PRR5L: variants seen among roughly 807,000 people sequenced by gnomAD.
PRR5L encodes proline-rich protein 5-like.
A neutral mutation model predicts 36.4 loss-of-function variants in PRR5L; 21 were observed. The observed-to-expected ratio is 0.58, with a 90% CI of 0.41 to 0.83. PRR5L has a LOEUF of 0.83. Among genes scored for constraint, PRR5L ranks in the 40% least tolerant of loss-of-function variants. The pLI is 0.00. For missense variants in PRR5L, 381 were observed against 473.3 expected (o/e 0.80, Z 1.81); for synonymous variants, 188 against 197.0 (o/e 0.95, Z 0.38).
chr11:36,455,836 G>C (rs368868914), intron 8 of PRR5L, among the ~76,000 whole-genome samples: 1 of 152,210 alleles, frequency 6.6e-6, no homozygotes, highest in African/African-American at 2.4e-5. Flanking sequence ...CTTGTCTGAG[G>C]CTTGGCTCTG....
At chr11:36,433,924 C>T (rs1210960398) in intron 5 of PRR5L, among the ~76,000 whole-genome samples, 1 of 152,138 alleles carries the variant, frequency 6.6e-6, no homozygotes, top group Non-Finnish European at 1.5e-5. Flanking sequence ...AAACATTATC[C>T]CTGGCCATAT....
At chr11:36,306,135 C>A (rs1394442917) in intron 1 of PRR5L, among the ~76,000 whole-genome samples, 1 of 151,996 alleles carries the variant, frequency 6.6e-6, no homozygotes, top group Non-Finnish European at 1.5e-5. Flanking sequence ...TTCTAGGGTA[C>A]ATGTGCACAA....
chr11:36,432,163 G>GT (rs1043073490), intron 5 of PRR5L, among the ~76,000 whole-genome samples: 790 of 7,958 alleles, frequency 0.099, 14 homozygotes, highest in East Asian at 0.5. Flanking sequence ...GTTTTTTTTT[G>GT]TTTTGTTTTT....
intron 1 of PRR5L, among the ~76,000 whole-genome samples, chr11:36,310,865 C>T (rs187945933): frequency 1.2e-3 from 178 of 151,924 alleles, no homozygotes; most frequent in Middle Eastern, 0.01. Context: ...GGCATGGTGG[C>T]GTGTGCCTGT....
Position 36,390,323 on chromosome 11 carries a change from A to G in PRR5L, c.-125-10674A>G, listed in dbSNP as rs778686894. Among the ~76,000 whole-genome samples, 7 of 152,226 alleles carry G rather than the reference A, an allele frequency of 4.6e-5. 1 individual carries two copies. Among genetic ancestry groups the G allele is most frequent in the Admixed American group, 1.3e-4 (2 of 15,278 alleles). On this transcript the variant is annotated intron_variant, in intron 1 of 8. Coordinates refer to ENST00000530639, the MANE Select transcript of PRR5L (RefSeq NM_001160167.2). The stretch of plus-strand genomic sequence containing the variant: ...GAAGGGTCCTGAGGTGGGGCAGAGC[A>G]GGTGCTGGTGGAAGACATGAAGGCA...
chr11:36,441,271 A>C (rs1453598046), intron 6 of PRR5L, among the ~76,000 whole-genome samples: 1 of 152,216 alleles, frequency 6.6e-6, no homozygotes, highest in Non-Finnish European at 1.5e-5. Context: ...AATCAAGAAT[A>C]AGTTATTTAC....
At chr11:36,399,619 A>C (rs923549431) in intron 1 of PRR5L, among the ~76,000 whole-genome samples, 1 of 152,252 alleles carries the variant, frequency 6.6e-6, no homozygotes, top group African/African-American at 2.4e-5. Context: ...TTTGGGACAT[A>C]GCAGAGTTAG....
intron 1 of PRR5L, among the ~76,000 whole-genome samples, chr11:36,301,387 G>C (rs952525806): frequency 1.3e-5 from 2 of 152,196 alleles, no homozygotes; most frequent in Non-Finnish European, 2.9e-5. Flanking sequence ...CAGGGAGAGG[G>C]GTGAGGGAAG....
At chr11:36,418,627 T>C (rs1315250282) in intron 3 of PRR5L, among the ~76,000 whole-genome samples, 1 of 151,982 alleles carries the variant, frequency 6.6e-6, no homozygotes, top group African/African-American at 2.4e-5. Context: ...AAACTCTGTC[T>C]CTACTAAAAA....
chr11:36,332,209 A>C (rs1856726133), intron 1 of PRR5L, among the ~76,000 whole-genome samples: 1 of 152,208 alleles, frequency 6.6e-6, no homozygotes, highest in Admixed American at 6.5e-5. Context: ...TAATAGCATT[A>C]CAAAAAAAAC....
intron 1 of PRR5L, among the ~76,000 whole-genome samples, chr11:36,363,548 C>A (rs1429726318): frequency 6.6e-6 from 1 of 152,330 alleles, no homozygotes; most frequent in African/African-American, 2.4e-5. Flanking sequence ...TTTCTTTTCC[C>A]CTTCCTCCTG....
chr11:36,342,715 A>G (rs1324030843), intron 1 of PRR5L, among the ~76,000 whole-genome samples: 1 of 152,186 alleles, frequency 6.6e-6, no homozygotes. Flanking sequence ...TAGGAACTTC[A>G]GGGTCAGGGC....
At chr11:36,436,518 G>T (rs1197968608) in intron 5 of PRR5L, among the ~76,000 whole-genome samples, 1 of 152,184 alleles carries the variant, frequency 6.6e-6, no homozygotes. Context: ...GCATCAGGAG[G>T]CAGGTGCTGT....
chr11:36,311,446 C>G (rs1856501730), intron 1 of PRR5L, among the ~76,000 whole-genome samples: 1 of 152,114 alleles, frequency 6.6e-6, no homozygotes, highest in Non-Finnish European at 1.5e-5. Flanking sequence ...CCTGCTTGGC[C>G]CCCTCATGGG....
At chr11:36,372,695 A>T (rs1682304166) in intron 1 of PRR5L, among the ~76,000 whole-genome samples, 1 of 152,176 alleles carries the variant, frequency 6.6e-6, no homozygotes, top group African/African-American at 2.4e-5. Flanking sequence ...CCTAAAAGGG[A>T]GAAAAAGCAC....
At chr11:36,305,710 A>C (rs1263583872) in intron 1 of PRR5L, among the ~76,000 whole-genome samples, 1 of 152,142 alleles carries the variant, frequency 6.6e-6, no homozygotes, top group East Asian at 1.9e-4. Flanking sequence ...CATCGTGAGG[A>C]TACAGCAAGA....
chr11:36,346,911 T>C (rs1436852421), intron 1 of PRR5L, among the ~76,000 whole-genome samples: 1 of 152,214 alleles, frequency 6.6e-6, no homozygotes, highest in African/African-American at 2.4e-5. Context: ...AGCTTGGCAA[T>C]TGTAGTGCAA....
At chr11:36,394,813 G>GCC (rs1857623856) in intron 1 of PRR5L, among the ~76,000 whole-genome samples, 1 of 152,116 alleles carries the variant, frequency 6.6e-6, no homozygotes, top group Non-Finnish European at 1.5e-5. Flanking sequence ...TGCCATATAA[G>GCC]ATAATATTCA....
intron 1 of PRR5L, among the ~76,000 whole-genome samples, chr11:36,394,663 C>T (rs1023750430): frequency 3.9e-5 from 6 of 152,164 alleles, no homozygotes; most frequent in African/African-American, 2.4e-5. Context: ...CTTCTCTATG[C>T]GTGTCTGTGT....
Sources: allele counts gnomAD v4.1 joint callset (sites outside exome capture counted in the v4.1 genomes callset), GRCh38; gene constraint gnomAD v4.1.1; transcripts MANE v1.5; gene names NCBI Gene and HGNC (gene_info 2026-07-23, HGNC 2026-07-21).